SFI1: variants seen among roughly 807,000 people sequenced by gnomAD.
The protein encoded by SFI1 is SFI1 centrin binding protein.
A neutral mutation model predicts 207.5 loss-of-function variants in SFI1; 195 were observed. That is an observed-to-expected ratio of 0.94 (90% CI 0.84 to 1.06). The LOEUF (loss-of-function observed/expected upper bound fraction) is 1.06. Ranked by LOEUF, SFI1 falls within the 50% of genes least tolerant of loss-of-function variation. SFI1 has a pLI of 0.00. For missense variants in SFI1, 1,634 were observed against 1,588.0 expected (o/e 1.03, Z -0.49); for synonymous variants, 630 against 598.9 (o/e 1.05, Z -0.76).
At chr22:31,503,585 T>A (rs1049546775) in intron 1 of SFI1, among the ~76,000 whole-genome samples, 1 of 30,836 alleles carries the variant, frequency 3.2e-5, no homozygotes, top group Non-Finnish European at 6.7e-5. Context: ...TCTTGGACTG[T>A]TTTTTTTTTT....
chr22:31,582,161 T>C (rs2064262811), intron 12 of SFI1, among the ~76,000 whole-genome samples: 1 of 128,784 alleles, frequency 7.8e-6, no homozygotes, highest in African/African-American at 2.8e-5. Context: ...TTAAAGCTTT[T>C]AATCTAGAAC....
At chr22:31,570,015 G>T (rs1207544906) in intron 8 of SFI1, among the ~76,000 whole-genome samples, 1 of 151,648 alleles carries the variant, frequency 6.6e-6, no homozygotes, top group East Asian at 1.9e-4. Context: ...TGCTCAGGAG[G>T]CTGAGGCAGG....
chr22:31,534,140 A>G (rs186689985), intron 4 of SFI1, among the ~76,000 whole-genome samples: 1 of 152,078 alleles, frequency 6.6e-6, no homozygotes, highest in African/African-American at 2.4e-5. Flanking sequence ...ATTTTTTGAG[A>G]CAGAGTCTCG....
chr22:31,537,477 A>T (rs2059105833), intron 4 of SFI1, among the ~76,000 whole-genome samples: 1 of 152,212 alleles, frequency 6.6e-6, no homozygotes, highest in South Asian at 2.1e-4. Context: ...GCTTTAAAAC[A>T]TTCGCATTAT....
chr22:31,546,775 TC>T, intron 4 of SFI1, 85 bp from the exon 5 acceptor site: 1 of 959,028 alleles, frequency 1.0e-6, no homozygotes, highest in Non-Finnish European at 1.5e-6. Context: ...CTGTACTTTT[TC>T]ATGAGACGGC....
chr22:31,611,634 C>A, intron 23 of SFI1, 132 bp from the exon 24 acceptor site: 1 of 930,262 alleles, frequency 1.1e-6, no homozygotes, highest in Non-Finnish European at 1.6e-6. Flanking sequence ...TGCAGGAGAC[C>A]CCTGGCACCA....
At chr22:31,541,301 G>C (rs2059463835) in intron 4 of SFI1, among the ~76,000 whole-genome samples, 1 of 152,048 alleles carries the variant, frequency 6.6e-6, no homozygotes, top group African/African-American at 2.4e-5. Context: ...AAAATTTGTT[G>C]ACGGCTCTTG....
chr22:31,551,499 A>G (rs1021667555), intron 6 of SFI1, among the ~76,000 whole-genome samples: 1 of 152,200 alleles, frequency 6.6e-6, no homozygotes, highest in Non-Finnish European at 1.5e-5. Flanking sequence ...TAAGTAACTT[A>G]CGCTGTTTGT....
rs1433070194 is a variant in SFI1, at chr22:31,583,808, G to A, written c.1249-67G>A. Reference sequence around the variant, plus strand: ...GCTTTGGGGGAGCTCACAGTCTGTTGGAGTAAGGATTCACTGTTTTACCTT... The same window carrying A: ...GCTTTGGGGGAGCTCACAGTCTGTTAGAGTAAGGATTCACTGTTTTACCTT... On this transcript the variant is annotated intron_variant, in intron 12 of 32. Transcript: ENST00000400288. The A allele has an allele frequency of 7.9e-6, 11 of 1,390,258 alleles. No homozygotes were observed. In the East Asian group the frequency reaches 2.3e-4, roughly 29 times the overall value. 86.1% of individuals were successfully genotyped at this position (1,390,258 alleles called of 1,614,324 possible).
chr22:31,579,794 C>G (rs2063902354), intron 11 of SFI1, among the ~76,000 whole-genome samples: 1 of 152,152 alleles, frequency 6.6e-6, no homozygotes, highest in Non-Finnish European at 1.5e-5. Context: ...TCCATCCTGG[C>G]CCAACTCCAA....
rs2068600770 is a variant in SFI1, at chr22:31,604,297, C to T, written c.1882-12C>T. 1 of 1,562,724 alleles carries T rather than the reference C, an allele frequency of 6.4e-7. No individual in the cohort carries two copies. Among genetic ancestry groups the T allele is most frequent in the Admixed American group, 1.9e-5 (1 of 52,940 alleles). ...CCCAGCCCACGGTAGCTGCTTTCTC[C>T]TCTGTCTGCAGTGCCTGGCCCTGCG... On this transcript the variant is annotated splice_polypyrimidine_tract_variant and intron_variant, in intron 18 of 32. Coordinates refer to ENST00000400288, the MANE Select transcript of SFI1 (RefSeq NM_001007467.3).
At chr22:31,583,792 G>A in intron 12 of SFI1, 83 bp from the exon 13 acceptor site, 1 of 1,200,724 alleles carries the variant, frequency 8.3e-7, no homozygotes, top group Non-Finnish European at 1.2e-6. Context: ...TGCTTTGGGG[G>A]AGCTCACAGT....
intron 3 of SFI1, 74 bp downstream of exon 3, chr22:31,528,937 G>T: frequency 7.0e-7 from 1 of 1,430,338 alleles, no homozygotes. Flanking sequence ...ATGGGGGAAT[G>T]ATTCTTATTC....
At chr22:31,578,692 C>A (rs1019865641) in intron 11 of SFI1, among the ~76,000 whole-genome samples, 1 of 152,140 alleles carries the variant, frequency 6.6e-6, no homozygotes, top group South Asian at 2.1e-4. Context: ...TAGTCCTGAG[C>A]TTTTTTTACA....
chr22:31,550,203 G>A (rs776336368), intron 5 of SFI1, 51 bp from the exon 6 acceptor site: 24 of 1,486,214 alleles, frequency 1.6e-5, no homozygotes, highest in South Asian at 1.0e-4. Context: ...GAGCCACCGC[G>A]CCCGGCCTGT....
chr22:31,616,603 T>G (rs945944067), intron 29 of SFI1, 142 bp from the exon 30 acceptor site: 1 of 868,430 alleles, frequency 1.2e-6, no homozygotes, highest in Non-Finnish European at 1.7e-6. Flanking sequence ...GCACGGCCAG[T>G]GCCTGGGAAG....
In SFI1 at chr22:31,528,726, T is replaced by A; in HGVS notation, c.129T>A (p.Ser43=). Residue 43 remains serine, a synonymous_variant, in exon 3 of 33, where the codon TCT becomes TCA. Coordinates refer to ENST00000400288, the MANE Select transcript of SFI1 (RefSeq NM_001007467.3). ...ATGGTGCAGTTAAGAAACCTTATTC[T>A]GCAAAGACACTGTCCAACAAGAAGT... ...FKDGAVKKPY[S]AKTLSNKKSS... is the part of the protein sequence containing the mutation. The A allele has an allele frequency of 6.2e-7, 1 of 1,614,188 alleles. No homozygotes were observed. The highest frequency in any genetic ancestry group is 8.5e-7 in the Non-Finnish European group (1 of 1,180,022).
In SFI1 at chr22:31,562,850, G is replaced by T. The variant is rs554935803; in HGVS notation, c.765+1458G>T. Among the ~76,000 whole-genome samples the T allele has an allele frequency of 1.5e-3, 232 of 151,890 alleles. 1 individual carries two copies. Among genetic ancestry groups the T allele is most frequent in the African/African-American group, 5.3e-3 (218 of 41,412 alleles). On this transcript the variant is annotated intron_variant, in intron 8 of 32. Coordinates refer to ENST00000400288, the MANE Select transcript of SFI1 (RefSeq NM_001007467.3). ...GGGTTTCACCATGTTAGCCAGGATGGTCTTGATCTCCTGACCTTGTGATGG... is the reference window on the plus strand; with the variant it reads ...GGGTTTCACCATGTTAGCCAGGATGTTCTTGATCTCCTGACCTTGTGATGG...
At chr22:31,585,214 AC>A (rs1603221911) in intron 14 of SFI1, 80 bp downstream of exon 14, 1 of 1,244,144 alleles carries the variant, frequency 8.0e-7, no homozygotes, top group East Asian at 2.3e-5. Context: ...CTTGGAAAAG[AC>A]CTATGCCAAG....
Sources: gnomAD v4.1 joint callset for allele counts (sites outside exome capture counted in the v4.1 genomes callset) on GRCh38, gnomAD v4.1.1 for gene constraint, MANE v1.5 for transcripts, NCBI Gene and HGNC (gene_info 2026-07-23, HGNC 2026-07-21) for gene names.